ACSM3: variants seen among roughly 807,000 people sequenced by gnomAD.
ACSM3 encodes acyl-CoA synthetase medium chain family member 3, also known as acyl-coenzyme A synthetase ACSM3, mitochondrial.
In ACSM3, 61 loss-of-function variants were observed where a neutral mutation model predicts 74.1. The observed-to-expected ratio is 0.82, with a 90% confidence interval of 0.67 to 1.02. The LOEUF (loss-of-function observed/expected upper bound fraction) is 1.02. Among genes scored for constraint, ACSM3 ranks in the 50% least tolerant of loss-of-function variants. The pLI, the probability that ACSM3 is intolerant of heterozygous loss-of-function variation, is 0.00. For synonymous variants in ACSM3, 213 were observed against 241.5 expected, an observed-to-expected ratio of 0.88 and a Z score of 1.09; for missense variants, 660 against 697.0, an observed-to-expected ratio of 0.95 and a Z score of 0.60.
intron 1 of ACSM3, among the ~76,000 whole-genome samples, chr16:20,714,599 T>G (rs948819567): frequency 6.6e-6 from 1 of 151,990 alleles, no homozygotes; most frequent in Non-Finnish European, 1.5e-5. Context: ...CTAGCAGGAC[T>G]TAGAGAATAT....
intron 1 of ACSM3, chr16:20,741,703 C>A (rs868110405): frequency 6.3e-7 from 1 of 1,578,410 alleles, no homozygotes; most frequent in East Asian, 2.3e-5. Flanking sequence ...CGCTTCCCGC[C>A]GCCAGGCTGA....
intron 1 of ACSM3, among the ~76,000 whole-genome samples, chr16:20,715,951 C>T (rs2079760169): frequency 6.6e-6 from 1 of 152,204 alleles, no homozygotes; most frequent in African/African-American, 2.4e-5. Context: ...ACCCTCAAGT[C>T]AGGCTGGCTG....
chr16:20,762,213 T>C (rs909978250), upstream of ACSM3, among the ~76,000 whole-genome samples: 6 of 152,176 alleles, frequency 3.9e-5, no homozygotes, highest in African/African-American at 2.4e-5. Flanking sequence ...AATCAAGTTA[T>C]TGTAGATCCG....
chr16:20,794,224 T>C (rs771858300), intron 12 of ACSM3, among the ~76,000 whole-genome samples: 2 of 152,228 alleles, frequency 1.3e-5, no homozygotes, highest in Admixed American at 6.5e-5. Flanking sequence ...AGTTCCAGAA[T>C]TGATTAAAAA....
intron 7 of ACSM3, chr16:20,783,238 G>C (rs1215086796): frequency 6.6e-6 from 1 of 152,102 alleles, no homozygotes; most frequent in Non-Finnish European, 1.5e-5. Context: ...CAAAATATTA[G>C]AACAAAAGAT....
At chr16:20,763,814 C>G (rs766281165), upstream of ACSM3, 1 of 152,242 alleles carries the variant, frequency 6.6e-6, no homozygotes, top group Non-Finnish European at 1.5e-5. Flanking sequence ...TCCTTGGACA[C>G]TTTCCTTCTT....
Position 20,686,405 on chromosome 16 carries a change from T to C in ACSM3, c.-190+11583T>C, listed in dbSNP as rs1258386457. 3.9e-5 allele frequency among the ~76,000 whole-genome samples: 6 copies of C among 151,956 alleles called. 1 individual carries two copies. The highest frequency in any genetic ancestry group is 8.8e-5 in the Non-Finnish European group (6 of 68,010). ...AAAACCAAACAAATGCCCCCAGTCA[T>C]GAAAAAGCCATACTCAATTCCCACT... On this transcript the variant is annotated intron_variant, in intron 1 of 3. Transcript: ENST00000561584.
chr16:20,748,132 T>C (rs1596497101), intron 1 of ACSM3, among the ~76,000 whole-genome samples: 2 of 145,924 alleles, frequency 1.4e-5, no homozygotes, highest in African/African-American at 2.5e-5. Context: ...AATGAGACCA[T>C]GTCTCAAAAA....
intron 1 of ACSM3, among the ~76,000 whole-genome samples, chr16:20,712,926 C>G (rs1464112609): frequency 6.7e-6 from 1 of 148,912 alleles, no homozygotes; most frequent in Non-Finnish European, 1.5e-5. Flanking sequence ...AAAAAAAAAA[C>G]AAAAACCAGA....
At chr16:20,713,865 AG>A (rs2079752136) in intron 1 of ACSM3, among the ~76,000 whole-genome samples, 1 of 152,204 alleles carries the variant, frequency 6.6e-6, no homozygotes, top group African/African-American at 2.4e-5. Flanking sequence ...TCTAAAAACT[AG>A]GGAAGGGAAA....
At chr16:20,684,945 G>A (rs888520748) in intron 1 of ACSM3, among the ~76,000 whole-genome samples, 1 of 152,132 alleles carries the variant, frequency 6.6e-6, no homozygotes, top group African/African-American at 2.4e-5. Context: ...GAATTTGTGA[G>A]GGAGTATGAG....
intron 1 of ACSM3, chr16:20,741,482 C>CGG: frequency 1.2e-5 from 2 of 160,352 alleles, no homozygotes; most frequent in Non-Finnish European, 2.6e-5. Flanking sequence ...TGGCAGCCGG[C>CGG]CCGCCCGCCC....
intron 1 of ACSM3, among the ~76,000 whole-genome samples, chr16:20,705,351 C>T (rs547883501): frequency 1.4e-4 from 20 of 141,534 alleles, no homozygotes; most frequent in East Asian, 1.1e-3. Flanking sequence ...CCAGCCTGGG[C>T]GACAGAGCGA....
chr16:20,768,640 A>T (rs67428664), intron 1 of ACSM3, among the ~76,000 whole-genome samples: 20,166 of 151,438 alleles, frequency 0.13, 1,388 homozygotes, highest in East Asian at 0.21. Flanking sequence ...GCATCAGAGT[A>T]TTTTTTTTTA....
rs750402984 is a variant in ACSM3 at position 20,792,082 on chromosome 16, G to C, written c.1407G>C (p.Gly469=). ...ACAGAGGATATATGGATAAAGATGG[G>C]TATTTCTGGTTTGTTGCAAGAGCAG... ...TGDRGYMDKD[G]YFWFVARADD... Residue 469 remains glycine, a synonymous_variant, in exon 11 of 14, where the codon GGG becomes GGC. Coordinates refer to ENST00000289416, the MANE Select transcript of ACSM3 (RefSeq NM_005622.4). 3 of 1,614,094 alleles carry C rather than the reference G, an allele frequency of 1.9e-6. No homozygotes were observed. In the East Asian group the frequency reaches 6.7e-5, roughly 36 times the overall value.
chr16:20,760,183 T>C (rs1368665921), upstream of ACSM3, among the ~76,000 whole-genome samples: 1 of 152,180 alleles, frequency 6.6e-6, no homozygotes, highest in Non-Finnish European at 1.5e-5. Context: ...TAGCAGGCCC[T>C]GAAGAAAATC....
intron 1 of ACSM3, among the ~76,000 whole-genome samples, chr16:20,723,639 G>A (rs1420270780): frequency 6.6e-6 from 1 of 152,196 alleles, no homozygotes; most frequent in East Asian, 1.9e-4. Context: ...GGCCAGTGAT[G>A]ATGAGCATTT....
At chr16:20,713,268 AG>A (rs2079749951) in intron 1 of ACSM3, among the ~76,000 whole-genome samples, 1 of 152,224 alleles carries the variant, frequency 6.6e-6, no homozygotes, top group South Asian at 2.1e-4. Flanking sequence ...TAAATATTAC[AG>A]TAATTATAAC....
At chr16:20,710,583 G>A (rs1359813614) in intron 1 of ACSM3, among the ~76,000 whole-genome samples, 2 of 151,992 alleles carry the variant, frequency 1.3e-5, no homozygotes, top group South Asian at 4.1e-4. Context: ...GGGCTCAAGC[G>A]ACCCTCCCAT....
Sources: gnomAD v4.1 joint callset for allele counts (sites outside exome capture counted in the v4.1 genomes callset) on GRCh38, gnomAD v4.1.1 for gene constraint, MANE v1.5 for transcripts, NCBI Gene and HGNC (gene_info 2026-07-23, HGNC 2026-07-21) for gene names.